PHLDB2: variants seen among roughly 807,000 people sequenced by gnomAD.
PHLDB2 encodes the protein pleckstrin homology-like domain family B member 2.
A neutral mutation model predicts 123.6 loss-of-function variants in PHLDB2; 71 were observed. That is an observed-to-expected ratio of 0.57 (90% CI 0.47 to 0.70). The LOEUF (loss-of-function observed/expected upper bound fraction) is 0.70. Ranked by LOEUF, PHLDB2 falls within the 30% of genes least tolerant of loss-of-function variation. PHLDB2 has a pLI of 0.00. For synonymous variants in PHLDB2, 547 were observed against 541.6 expected (o/e 1.01, Z -0.14); for missense variants, 1,446 against 1,519.5 (o/e 0.95, Z 0.80).
chr3:111,810,213 C>A (rs1181496923), intron 1 of PHLDB2, among the ~76,000 whole-genome samples: 2 of 152,026 alleles, frequency 1.3e-5, no homozygotes, highest in Non-Finnish European at 2.9e-5. Context: ...CCTGAGAGCA[C>A]CTGAGATAGG....
intron 1 of PHLDB2, among the ~76,000 whole-genome samples, chr3:111,821,972 G>C (rs888755108): frequency 1.3e-5 from 2 of 152,140 alleles, no homozygotes; most frequent in Non-Finnish European, 2.9e-5. Context: ...AGGCAAAAAT[G>C]TTTAGTATTG....
intron 1 of PHLDB2, among the ~76,000 whole-genome samples, chr3:111,874,519 G>A (rs900335330): frequency 4.6e-5 from 7 of 152,146 alleles, no homozygotes; most frequent in African/African-American, 1.4e-4. Flanking sequence ...CTTGTTCCAT[G>A]TCCTCATTCA....
rs941649340 is a variant in PHLDB2, at chr3:111,859,436, G to A, written c.-155G>A. 6.1e-6 allele frequency: 6 copies of A among 985,472 alleles called. No individual in the cohort carries two copies. The African/African-American group carries it at 8.7e-5, about 14-fold the overall frequency. 61.0% of individuals were successfully genotyped at this position (985,472 alleles called of 1,614,324 possible). On this transcript the variant is annotated 5_prime_UTR_variant, in exon 1 of 18. Coordinates refer to ENST00000431670, the MANE Select transcript of PHLDB2 (RefSeq NM_001134438.2). ...TGCCCGCCGCGGTGGTTACAAAGGG[G>A]GTCAAGAGTGCCGGACCCAGCCGCG...
intron 1 of PHLDB2, among the ~76,000 whole-genome samples, chr3:111,819,259 G>A (rs1189594613): frequency 6.6e-6 from 1 of 152,038 alleles, no homozygotes; most frequent in Non-Finnish European, 1.5e-5. Context: ...ATGGGGTGGG[G>A]GGTGGCTGTG....
chr3:111,912,726 A>G (rs574499301), intron 2 of PHLDB2, among the ~76,000 whole-genome samples: 5 of 152,246 alleles, frequency 3.3e-5, no homozygotes, highest in Non-Finnish European at 7.3e-5. Context: ...AGTTTTAAGC[A>G]CAAGTATTAA....
chr3:111,816,100 A>T (rs2062063425), intron 1 of PHLDB2, among the ~76,000 whole-genome samples: 1 of 152,200 alleles, frequency 6.6e-6, no homozygotes, highest in Non-Finnish European at 1.5e-5. Flanking sequence ...ATTTCAGAAG[A>T]TGTATGAAAA....
chr3:111,752,417 T>C lies in PHLDB2; in HGVS notation c.-49+19714T>C, dbSNP rs112432259. Among the ~76,000 whole-genome samples the C allele has an allele frequency of 9.7e-3, 1,474 of 152,272 alleles. 17 individuals are homozygous for C. Among genetic ancestry groups the C allele is most frequent in the African/African-American group, 0.033 (1,351 of 41,558 alleles). On this transcript the variant is annotated intron_variant, in intron 1 of 17. Transcript: ENST00000393923. ...ATAAAGCTTAAATAGAAATAATGTT[T>C]TCACATTAATATTTTATTACTTGAC... is the stretch of plus-strand genomic sequence containing the variant.
At chr3:111,829,281 C>A (rs1164194897) in intron 1 of PHLDB2, among the ~76,000 whole-genome samples, 4 of 151,914 alleles carry the variant, frequency 2.6e-5, no homozygotes, top group African/African-American at 9.7e-5. Flanking sequence ...TTGTTCAAAT[C>A]CATCACTATG....
intron 1 of PHLDB2, among the ~76,000 whole-genome samples, chr3:111,780,729 T>C (rs1349926756): frequency 6.6e-6 from 1 of 152,088 alleles, no homozygotes; most frequent in Admixed American, 6.6e-5. Flanking sequence ...GGTAAAATTA[T>C]GATGGGTTAT....
At chr3:111,944,670 G>GT (rs5851805) in intron 8 of PHLDB2, among the ~76,000 whole-genome samples, 8 of 150,328 alleles carry the variant, frequency 5.3e-5, no homozygotes, top group Non-Finnish European at 8.9e-5. Context: ...ATTTTTGTTG[G>GT]TTTTTTTTTT....
At chr3:111,962,071 A>C in intron 12 of PHLDB2, 37 bp from the exon 13 acceptor site, 1 of 1,566,470 alleles carries the variant, frequency 6.4e-7, no homozygotes, top group East Asian at 2.3e-5. Context: ...AGACTGAAAA[A>C]TGAGGCAAAC....
intron 2 of PHLDB2, among the ~76,000 whole-genome samples, chr3:111,850,474 TC>T (rs1464441581): frequency 4.6e-5 from 7 of 152,284 alleles, no homozygotes; most frequent in Admixed American, 4.6e-4. Flanking sequence ...AAAAAGAAAT[TC>T]TTGGTTTTTG....
intron 1 of PHLDB2, among the ~76,000 whole-genome samples, chr3:111,845,354 CAAAAAAAAAAAAAA>C (rs745585464): frequency 7.7e-5 from 3 of 39,160 alleles, no homozygotes; most frequent in South Asian, 4.5e-3. Flanking sequence ...GACTCTGTCT[CAAAAAAAAAAAAAA>C]AAAAAAAAAA....
At chr3:111,925,094 G>T (rs1373899603) in intron 5 of PHLDB2, among the ~76,000 whole-genome samples, 3 of 152,142 alleles carry the variant, frequency 2.0e-5, no homozygotes, top group Non-Finnish European at 2.9e-5. Flanking sequence ...CTCCCAAAGT[G>T]CTGGGATTAC....
intron 1 of PHLDB2, among the ~76,000 whole-genome samples, chr3:111,764,743 G>A (rs540447573): frequency 1.3e-4 from 20 of 152,294 alleles, no homozygotes; most frequent in African/African-American, 4.1e-4. Flanking sequence ...AGGCTCCAAG[G>A]GCGCCTTTAA....
intron 1 of PHLDB2, among the ~76,000 whole-genome samples, chr3:111,733,640 G>C (rs1297857751): frequency 1.3e-5 from 2 of 152,204 alleles, no homozygotes; most frequent in African/African-American, 2.4e-5. Context: ...TGATAACTAT[G>C]AAACAAGTTA....
At chr3:111,775,969 GA>G (rs1336694070) in intron 1 of PHLDB2, among the ~76,000 whole-genome samples, 2 of 152,138 alleles carry the variant, frequency 1.3e-5, no homozygotes, top group African/African-American at 4.8e-5. Flanking sequence ...GAAAGCTTTG[GA>G]ACGTATTTAG....
chr3:111,964,779 A>C (rs982699384), intron 13 of PHLDB2, among the ~76,000 whole-genome samples: 2 of 152,176 alleles, frequency 1.3e-5, no homozygotes, highest in Non-Finnish European at 2.9e-5. Context: ...AAGACATGTA[A>C]GCAAAGAAAA....
At chr3:111,873,920 A>G (rs913226999) in intron 1 of PHLDB2, among the ~76,000 whole-genome samples, 6 of 152,218 alleles carry the variant, frequency 3.9e-5, no homozygotes, top group Admixed American at 6.5e-5. Context: ...TTAGAGAACT[A>G]TAAGCGAGAA....
Sources: gnomAD v4.1 joint callset for allele counts (sites outside exome capture counted in the v4.1 genomes callset) on GRCh38, gnomAD v4.1.1 for gene constraint, MANE v1.5 for transcripts, NCBI Gene and HGNC (gene_info 2026-07-23, HGNC 2026-07-21) for gene names.